NR3C2: variants seen among roughly 807,000 people sequenced by gnomAD.
The protein encoded by NR3C2 is nuclear receptor subfamily 3 group C member 2, also known as mineralocorticoid receptor.
NR3C2 carries 15 observed loss-of-function variants against 86.4 expected under a neutral mutation model. The observed-to-expected ratio is 0.17, with a 90% confidence interval of 0.12 to 0.27. The LOEUF is 0.27. NR3C2 is among the 10% of genes least tolerant of loss of function. The pLI, the probability that NR3C2 is intolerant of heterozygous loss-of-function variation, is 1.00. For synonymous variants in NR3C2, 458 were observed against 450.5 expected, an observed-to-expected ratio of 1.02 and a Z score of -0.21; for missense variants, 960 against 1,195.6, an observed-to-expected ratio of 0.80 and a Z score of 2.91.
At chr4:148,441,149 C>T (rs1342609603) in intron 1 of NR3C2, among the ~76,000 whole-genome samples, 10 of 152,222 alleles carry the variant, frequency 6.6e-5, no homozygotes. Context: ...TTTCTATTCA[C>T]TCACCTAATT....
chr4:148,215,283 T>C (rs967206473), intron 3 of NR3C2, among the ~76,000 whole-genome samples: 2 of 152,160 alleles, frequency 1.3e-5, no homozygotes, highest in East Asian at 1.9e-4. Context: ...AAAAAAACAT[T>C]AAAATTGACA....
intron 3 of NR3C2, among the ~76,000 whole-genome samples, chr4:148,251,451 G>A (rs957303047): frequency 1.3e-5 from 2 of 152,130 alleles, no homozygotes; most frequent in Non-Finnish European, 2.9e-5. Flanking sequence ...ACTACACCAC[G>A]AGTGCAAGTT....
In NR3C2 at chr4:148,079,057, T is replaced by TAAC. The variant is rs1730421090; in HGVS notation, c.*2284_*2286dup. On this transcript the variant is annotated 3_prime_UTR_variant, in exon 9 of 9. Coordinates refer to ENST00000358102, the MANE Select transcript of NR3C2 (RefSeq NM_000901.5). ...TACCTGGAGACACACAAAGAGCCAG[T>TAAC]AACTTTGTTAATACAAAAAGCTGAT... The TAAC allele has an allele frequency of 6.6e-6, 1 of 152,664 alleles. No homozygotes were observed. The highest frequency in any genetic ancestry group is 6.5e-5 in the Admixed American group (1 of 15,282). The allele number at this position is 152,664 out of a possible 1,614,324, so 9.5% of individuals were successfully genotyped here. A position where few individuals can be genotyped will look rare whatever the true frequency, so the allele number is the denominator to read the frequency against.
intron 6 of NR3C2, among the ~76,000 whole-genome samples, chr4:148,150,506 G>T (rs188754357): frequency 6.6e-6 from 1 of 152,250 alleles, no homozygotes; most frequent in Non-Finnish European, 1.5e-5. Context: ...ACGTCTAGGG[G>T]CCAGCCATCT....
At chr4:148,272,222 T>C (rs530318997) in intron 2 of NR3C2, among the ~76,000 whole-genome samples, 12 of 152,282 alleles carry the variant, frequency 7.9e-5, no homozygotes, top group Admixed American at 2.0e-4. Flanking sequence ...AATATTAATA[T>C]ATACATTAAC....
intron 4 of NR3C2, among the ~76,000 whole-genome samples, chr4:148,177,393 A>G (rs865856304): frequency 1.3e-5 from 2 of 152,332 alleles, no homozygotes; most frequent in Middle Eastern, 3.4e-3. Context: ...TAGCTGAAGG[A>G]AAGTTAGCTG....
At chr4:148,139,518 A>G (rs1189152304) in intron 6 of NR3C2, among the ~76,000 whole-genome samples, 1 of 152,148 alleles carries the variant, frequency 6.6e-6, no homozygotes, top group African/African-American at 2.4e-5. Flanking sequence ...GCTGCAGTGG[A>G]CAGGAAGTGG....
intron 4 of NR3C2, among the ~76,000 whole-genome samples, chr4:148,174,879 A>C (rs1243674078): frequency 6.6e-6 from 1 of 152,146 alleles, no homozygotes; most frequent in Admixed American, 6.5e-5. Flanking sequence ...ACCTACCTTA[A>C]TCTTCACGTT....
intron 2 of NR3C2, among the ~76,000 whole-genome samples, chr4:148,347,287 T>C (rs1214458939): frequency 1.3e-5 from 2 of 152,092 alleles, no homozygotes; most frequent in Admixed American, 6.6e-5. Flanking sequence ...TTTTTCACCT[T>C]TCCTTAACCC....
intron 2 of NR3C2, among the ~76,000 whole-genome samples, chr4:148,379,991 G>C (rs569820969): frequency 1.3e-5 from 2 of 152,142 alleles, no homozygotes; most frequent in Admixed American, 1.3e-4. Context: ...AAGGTATAAG[G>C]GAAAATTAGG....
intron 2 of NR3C2, among the ~76,000 whole-genome samples, chr4:148,402,683 C>T (rs1314124426): frequency 2.6e-5 from 4 of 152,030 alleles, no homozygotes; most frequent in Non-Finnish European, 4.4e-5. Context: ...TTTCAATATC[C>T]CTAGTACCTA....
chr4:148,153,701 G>T (rs1244505710), intron 5 of NR3C2, among the ~76,000 whole-genome samples: 1 of 149,296 alleles, frequency 6.7e-6, no homozygotes, highest in Non-Finnish European at 1.5e-5. Flanking sequence ...GATTAAGAGG[G>T]GCCTTATTAA....
At chr4:148,130,947 C>T (rs1246406806) in intron 6 of NR3C2, among the ~76,000 whole-genome samples, 3 of 151,508 alleles carry the variant, frequency 2.0e-5, no homozygotes, top group Non-Finnish European at 2.9e-5. Flanking sequence ...CCTCAGCCTC[C>T]CGAGTAGCCG....
intron 6 of NR3C2, among the ~76,000 whole-genome samples, chr4:148,136,196 G>C (rs1483186152): frequency 1.3e-5 from 2 of 150,954 alleles, no homozygotes; most frequent in Non-Finnish European, 2.9e-5. Context: ...TCAAAGGCAA[G>C]ACAATGGGAT....
rs1162757665 is a variant in NR3C2 at position 148,186,996 on chromosome 4, G to GTATATATATA, written c.2014+7740_2014+7749dup. On this transcript the variant is annotated intron_variant, in intron 4 of 8. Transcript: ENST00000358102. ...CCATCATACTGATGTGTGTATGTAT[G>GTATATATATA]TATATATATATATATATATATATAT... 1.1e-3 allele frequency among the ~76,000 whole-genome samples: 30 copies of GTATATATATA among 27,172 alleles called. 1 individual carries two copies. Among genetic ancestry groups the GTATATATATA allele is most frequent in the Admixed American group, 1.9e-3 (4 of 2,112 alleles). 17.8% of individuals were successfully genotyped at this position (27,172 alleles called of 152,430 possible).
chr4:148,131,563 A>G (rs1560937437), intron 6 of NR3C2, among the ~76,000 whole-genome samples: 1 of 152,198 alleles, frequency 6.6e-6, no homozygotes, highest in African/African-American at 2.4e-5. Context: ...TATCTGTAGA[A>G]GGACCATTTT....
chr4:148,204,230 G>A (rs1351512183), intron 3 of NR3C2, among the ~76,000 whole-genome samples: 3 of 152,194 alleles, frequency 2.0e-5, no homozygotes, highest in Admixed American at 1.3e-4. Context: ...ATGGTGCGCA[G>A]TAAGAAAAAG....
At chr4:148,153,067 G>A (rs188091446) in intron 5 of NR3C2, among the ~76,000 whole-genome samples, 24 of 152,284 alleles carry the variant, frequency 1.6e-4, no homozygotes, top group African/African-American at 5.3e-4. Context: ...AAATGAGCAT[G>A]TGGTGCCTCC....
intron 8 of NR3C2, among the ~76,000 whole-genome samples, chr4:148,106,594 T>C (rs1158411894): frequency 1.3e-5 from 2 of 152,188 alleles, no homozygotes; most frequent in Non-Finnish European, 2.9e-5. Flanking sequence ...GGAGGCATTA[T>C]GCTGCCTGAA....
Sources: gnomAD v4.1 joint callset for allele counts (sites outside exome capture counted in the v4.1 genomes callset) on GRCh38, gnomAD v4.1.1 for gene constraint, MANE v1.5 for transcripts, NCBI Gene and HGNC (gene_info 2026-07-23, HGNC 2026-07-21) for gene names.